The following UBE2D4 variants were observed in gnomAD, a reference collection of about 807,000 sequenced individuals.
UBE2D4 encodes ubiquitin-conjugating enzyme E2 D4.
In UBE2D4, 17 loss-of-function variants were observed where a neutral mutation model predicts 23.0. The ratio of observed to expected loss-of-function variants is 0.74; its 90% confidence interval spans 0.51 to 1.11. UBE2D4 has a LOEUF of 1.11. Among genes scored for constraint, UBE2D4 ranks in the 50% least tolerant of loss-of-function variants. The pLI is 0.00. For missense variants in UBE2D4, 139 were observed against 181.8 expected (o/e 0.76, Z 1.35); for synonymous variants, 61 against 69.4 (o/e 0.88, Z 0.60).
intron 1 of UBE2D4, 135 bp downstream of exon 1, chr7:43,926,691 C>A: frequency 4.3e-6 from 4 of 925,992 alleles, no homozygotes; most frequent in Non-Finnish European, 6.0e-6. Flanking sequence ...GGAGGCAGAA[C>A]AGCCTCCCGC....
At chr7:43,943,109 GGTAAAAAGAGCT>G in intron 4 of UBE2D4, 78 bp downstream of exon 4, 1 of 1,425,810 alleles carries the variant, frequency 7.0e-7, no homozygotes, top group East Asian at 2.3e-5. Context: ...GTCAGGTATA[GGTAAAAAGAGCT>G]GTACGTGGGG....
chr7:43,950,614 G>T lies in UBE2D4; in HGVS notation c.320G>T (p.Cys107Phe). The T allele has an allele frequency of 6.2e-7, 1 of 1,614,160 alleles. No homozygotes were observed. Among genetic ancestry groups the T allele is most frequent in the Non-Finnish European group, 8.5e-7 (1 of 1,179,990 alleles). Residue 107 changes from cysteine to phenylalanine, a missense_variant, in exon 6 of 7, where the codon TGC becomes TTC. By Grantham distance (205) the Cys-to-Phe change is radical. Coordinates refer to ENST00000222402, the MANE Select transcript of UBE2D4 (RefSeq NM_015983.4). ...TTCTTCCCAGTTCTCTTGTCCATCT[G>T]CTCGCTGCTCTGCGACCCCAACCCC... ...LTVSKVLLSI[C>F]SLLCDPNPDD... is the part of the protein sequence containing the mutation.
At chr7:43,952,592 T>C (rs763642342) in intron 6 of UBE2D4, 58 bp from the exon 7 acceptor site, 446 of 1,470,948 alleles carry the variant, frequency 3.0e-4, no homozygotes, top group Non-Finnish European at 4.0e-4. Flanking sequence ...CTGCAGCACA[T>C]TGAAGGGAAG....
chr7:43,941,905 A>G (rs2095973576), intron 2 of UBE2D4: 2 of 152,190 alleles, frequency 1.3e-5, no homozygotes, highest in Non-Finnish European at 2.9e-5. Context: ...TCTCTACAAA[A>G]CAATAACAAC....
At chr7:43,927,346 A>AGTGTCGCCCAGGCTGGC (rs2095934373) in intron 1 of UBE2D4, among the ~76,000 whole-genome samples, 1 of 133,528 alleles carries the variant, frequency 7.5e-6, no homozygotes, top group African/African-American at 2.9e-5. Context: ...CCCAGGCTGG[A>AGTGTCGCCCAGGCTGGC]GTATCGCCCA....
chr7:43,928,457 A>G (rs1426815737), intron 1 of UBE2D4, among the ~76,000 whole-genome samples: 1 of 151,394 alleles, frequency 6.6e-6, no homozygotes, highest in African/African-American at 2.4e-5. Flanking sequence ...TGTCCAAAAG[A>G]GAGATAATTC....
chr7:43,929,081 C>T (rs1363432731), intron 1 of UBE2D4, among the ~76,000 whole-genome samples: 1 of 152,000 alleles, frequency 6.6e-6, no homozygotes, highest in East Asian at 1.9e-4. Flanking sequence ...TGCTTGAGTC[C>T]AGGAGTTGGA....
At chr7:43,942,917 A>G (rs2095976662) in intron 3 of UBE2D4, 37 bp from the exon 4 acceptor site, 2 of 1,614,000 alleles carry the variant, frequency 1.2e-6, no homozygotes, top group Non-Finnish European at 1.7e-6. Flanking sequence ...TGGGCTTAGC[A>G]CATGCACTGA....
At chr7:43,934,757 T>A (rs2095954837) in intron 1 of UBE2D4, among the ~76,000 whole-genome samples, 1 of 152,064 alleles carries the variant, frequency 6.6e-6, no homozygotes, top group Non-Finnish European at 1.5e-5. Context: ...TCTCATCACA[T>A]GGGATGCATT....
chr7:43,946,919 G>A (rs1363127204), intron 4 of UBE2D4, among the ~76,000 whole-genome samples: 1 of 151,764 alleles, frequency 6.6e-6, no homozygotes, highest in African/African-American at 2.4e-5. Context: ...TAGGGTACAT[G>A]TGCACAACGT....
At chr7:43,940,288 A>T (rs986917044) in intron 2 of UBE2D4, among the ~76,000 whole-genome samples, 1 of 152,224 alleles carries the variant, frequency 6.6e-6, no homozygotes, top group African/African-American at 2.4e-5. Context: ...GTACCTGCTC[A>T]TCACTCTGCT....
rs1046112050 is a variant in UBE2D4, at chr7:43,951,410, T to C, written c.398+718T>C. ...CGCAGTCCAGTGAGTGGTGTGAATC[T>C]CAGTTGTGGACCTTCAGGGAAGGTA... On this transcript the variant is annotated intron_variant, in intron 6 of 6. Coordinates refer to ENST00000222402, the MANE Select transcript of UBE2D4 (RefSeq NM_015983.4). 3.3e-5 allele frequency among the ~76,000 whole-genome samples: 5 copies of C among 152,310 alleles called. No individual in the cohort carries two copies. The East Asian group carries it at 9.6e-4, about 29-fold the overall frequency.
intron 1 of UBE2D4, among the ~76,000 whole-genome samples, chr7:43,930,808 T>C (rs1016504815): frequency 7.9e-5 from 12 of 152,256 alleles, no homozygotes; most frequent in African/African-American, 2.9e-4. Flanking sequence ...TTTTTCTCTT[T>C]GATACGTGTA....
chr7:43,952,620 G>A, intron 6 of UBE2D4, 30 bp from the exon 7 acceptor site: 3 of 1,600,108 alleles, frequency 1.9e-6, no homozygotes, highest in Non-Finnish European at 8.6e-7. Flanking sequence ...TTCAAGTGAG[G>A]GTGTCACTTC....
intron 1 of UBE2D4, among the ~76,000 whole-genome samples, chr7:43,937,265 G>A (rs1033684190): frequency 2.0e-5 from 3 of 152,212 alleles, no homozygotes. Flanking sequence ...TATCCATGCA[G>A]TGTAGCAATG....
rs1245724682 is a variant in UBE2D4, at chr7:43,931,859, T to A, written c.24+5303T>A. Among the ~76,000 whole-genome samples the A allele has an allele frequency of 1.3e-5, 2 of 152,070 alleles. 1 individual carries two copies. The highest frequency in any genetic ancestry group is 1.3e-4 in the Admixed American group (2 of 15,278). On this transcript the variant is annotated intron_variant, in intron 1 of 6. Transcript: ENST00000222402. ...TGCCACCATGCCTGGCTACTTTTTT[T>A]TGTATTTTTAGTAGAGACGGGGTTT...
At position 43,931,751 on chromosome 7, in the gene UBE2D4, T is replaced by A. The variant is rs186053518; in HGVS notation, c.24+5195T>A. Among the ~76,000 whole-genome samples the A allele has an allele frequency of 2.7e-3, 408 of 152,206 alleles. 2 individuals are homozygous for A. The highest frequency in any genetic ancestry group is 9.0e-3 in the African/African-American group (372 of 41,520). On this transcript the variant is annotated intron_variant, in intron 1 of 6. Transcript: ENST00000222402. ...AGGGTCTCTGTCACCCAGGCTGGAG[T>A]GCAGTGGTGCAATTTCTGATCACTG... is the stretch of plus-strand genomic sequence containing the variant.
At chr7:43,929,033 C>T (rs1323716132) in intron 1 of UBE2D4, among the ~76,000 whole-genome samples, 1 of 152,134 alleles carries the variant, frequency 6.6e-6, no homozygotes, top group African/African-American at 2.4e-5. Flanking sequence ...TGGCTCATGC[C>T]TATATCCCAG....
chr7:43,927,785 CAT>C (rs2132745191), intron 1 of UBE2D4, among the ~76,000 whole-genome samples: 1 of 152,314 alleles, frequency 6.6e-6, no homozygotes, highest in South Asian at 2.1e-4. Flanking sequence ...CCCAGTCCTA[CAT>C]GTTTACAGAG....
Sources: allele counts gnomAD v4.1 joint callset (sites outside exome capture counted in the v4.1 genomes callset), GRCh38; gene constraint gnomAD v4.1.1; transcripts MANE v1.5; gene names NCBI Gene and HGNC (gene_info 2026-07-23, HGNC 2026-07-21).